ADGRB3: variants seen among roughly 807,000 people sequenced by gnomAD.
ADGRB3 encodes brain-specific angiogenesis inhibitor 3.
A neutral mutation model predicts 193.4 loss-of-function variants in ADGRB3; 37 were observed. That is an observed-to-expected ratio of 0.19 (90% CI 0.15 to 0.25). The LOEUF (loss-of-function observed/expected upper bound fraction) is 0.25, where lower values mean the gene tolerates loss of function less well. ADGRB3 is among the 10% of genes least tolerant of loss of function. The pLI is 1.00. For synonymous variants in ADGRB3, 690 were observed against 644.2 expected (o/e 1.07, Z -1.08); for missense variants, 1,637 against 1,852.9 (o/e 0.88, Z 2.14).
intron 13 of ADGRB3, among the ~76,000 whole-genome samples, chr6:69,044,947 G>T (rs1776281375): frequency 6.6e-6 from 1 of 152,108 alleles, no homozygotes; most frequent in South Asian, 2.1e-4. Context: ...TTTAATTCAG[G>T]AATTGTTACA....
chr6:68,732,299 T>C (rs1765789661), intron 3 of ADGRB3, among the ~76,000 whole-genome samples: 1 of 151,838 alleles, frequency 6.6e-6, no homozygotes. Flanking sequence ...TTAGCTATTT[T>C]TCTTGATCCT....
intron 17 of ADGRB3, among the ~76,000 whole-genome samples, chr6:69,208,123 T>A (rs1352068842): frequency 6.6e-5 from 10 of 152,060 alleles, no homozygotes; most frequent in Admixed American, 5.9e-4. Context: ...ATGCGTAACC[T>A]CCATTCCTGC....
At chr6:69,067,718 G>GA (rs1358965568) in intron 16 of ADGRB3, among the ~76,000 whole-genome samples, 1 of 152,068 alleles carries the variant, frequency 6.6e-6, no homozygotes, top group African/African-American at 2.4e-5. Context: ...CTTTTATGGA[G>GA]AGTCTTGAAA....
chr6:68,923,503 G>A (rs1222275628), intron 3 of ADGRB3, among the ~76,000 whole-genome samples: 1 of 151,574 alleles, frequency 6.6e-6, no homozygotes. Context: ...TCAATTGTAG[G>A]GTAGCATTTA....
intron 4 of ADGRB3, among the ~76,000 whole-genome samples, chr6:68,931,289 T>G (rs552353659): frequency 1.1e-3 from 171 of 152,100 alleles, no homozygotes; most frequent in Non-Finnish European, 1.9e-3. Context: ...ATTAATTAGA[T>G]TACTTTTAAA....
chr6:69,356,482 T>G (rs1046913080), intron 28 of ADGRB3, among the ~76,000 whole-genome samples: 1 of 151,810 alleles, frequency 6.6e-6, no homozygotes, highest in African/African-American at 2.4e-5. Context: ...AGTGTGTTTG[T>G]GGAGGAAGAA....
At chr6:68,716,483 T>G (rs1222376595) in intron 3 of ADGRB3, among the ~76,000 whole-genome samples, 1 of 151,612 alleles carries the variant, frequency 6.6e-6, no homozygotes, top group Admixed American at 6.6e-5. Context: ...TCCATATTTA[T>G]TTGGACCCGC....
At chr6:68,867,164 G>T (rs1765319169) in intron 3 of ADGRB3, among the ~76,000 whole-genome samples, 1 of 152,162 alleles carries the variant, frequency 6.6e-6, no homozygotes, top group African/African-American at 2.4e-5. Flanking sequence ...AGACCTGGAG[G>T]CCTAGGAAGG....
At chr6:69,373,363 G>C (rs182778155) in intron 30 of ADGRB3, among the ~76,000 whole-genome samples, 1 of 151,988 alleles carries the variant, frequency 6.6e-6, no homozygotes, top group South Asian at 2.1e-4. Context: ...TGTACATCAT[G>C]TGTCAAAACT....
chr6:68,643,501 G>A (rs2802697), intron 3 of ADGRB3, among the ~76,000 whole-genome samples: 2 of 124,264 alleles, frequency 1.6e-5, no homozygotes, highest in African/African-American at 6.3e-5. Flanking sequence ...TCAGAATGCA[G>A]AACGATTTAC....
intron 17 of ADGRB3, among the ~76,000 whole-genome samples, chr6:69,103,615 A>T (rs926817424): frequency 2.0e-5 from 3 of 151,876 alleles, no homozygotes; most frequent in Non-Finnish European, 4.4e-5. Flanking sequence ...AAGATTTTAA[A>T]CTCTTTCCTG....
At chr6:69,254,533 T>G (rs1766706581) in intron 20 of ADGRB3, among the ~76,000 whole-genome samples, 1 of 152,098 alleles carries the variant, frequency 6.6e-6, no homozygotes, top group Non-Finnish European at 1.5e-5. Flanking sequence ...ATAACTATCT[T>G]TATGTTTTTT....
chr6:69,107,878 T>C (rs1161519037), intron 17 of ADGRB3, among the ~76,000 whole-genome samples: 1 of 151,972 alleles, frequency 6.6e-6, no homozygotes, highest in African/African-American at 2.4e-5. Context: ...CAGTAGACAC[T>C]TGAGACTACT....
chr6:68,675,360 A>G (rs1272217933), intron 3 of ADGRB3, among the ~76,000 whole-genome samples: 1 of 152,222 alleles, frequency 6.6e-6, no homozygotes. Context: ...ACATAGTGAA[A>G]CAAGTACACA....
intron 13 of ADGRB3, among the ~76,000 whole-genome samples, chr6:69,044,341 T>C (rs1283263414): frequency 6.6e-6 from 1 of 152,222 alleles, no homozygotes; most frequent in Non-Finnish European, 1.5e-5. Context: ...AGTTTGTATG[T>C]GAACCACTCA....
chr6:69,064,752 T>C (rs1037311848), intron 16 of ADGRB3, among the ~76,000 whole-genome samples: 4 of 152,074 alleles, frequency 2.6e-5, no homozygotes, highest in Non-Finnish European at 1.5e-5. Flanking sequence ...ATCACGAGAC[T>C]TTGATAAAGA....
chr6:69,328,946 T>C lies in ADGRB3; in HGVS notation c.3035+1057T>C, dbSNP rs1768646855. On this transcript the variant is annotated intron_variant, in intron 22 of 31. Transcript: ENST00000370598. ...GTTATATATGTGATGGTTCCTACTTTCAAAGAGTTCATAATTAAAGTCCAA... is the reference window on the plus strand; with the variant it reads ...GTTATATATGTGATGGTTCCTACTTCCAAAGAGTTCATAATTAAAGTCCAA... Among the ~76,000 whole-genome samples the C allele has an allele frequency of 2.0e-5, 3 of 152,286 alleles. No individual in the cohort carries two copies. The South Asian group carries it at 6.2e-4, about 32-fold the overall frequency.
chr6:69,086,717 A>G (rs892301070), intron 17 of ADGRB3, among the ~76,000 whole-genome samples: 4 of 152,128 alleles, frequency 2.6e-5, no homozygotes, highest in African/African-American at 7.2e-5. Flanking sequence ...AGAAATTTTT[A>G]TTTATTTAAA....
intron 23 of ADGRB3, chr6:69,332,373 C>T (rs566674887): frequency 1.5e-3 from 1,455 of 985,434 alleles, no homozygotes; most frequent in Non-Finnish European, 1.6e-3. Context: ...ATTGAATAGG[C>T]TTTCCTTTCT....
Sources: allele counts gnomAD v4.1 joint callset (sites outside exome capture counted in the v4.1 genomes callset), GRCh38; gene constraint gnomAD v4.1.1; transcripts MANE v1.5; gene names NCBI Gene and HGNC (gene_info 2026-07-23, HGNC 2026-07-21).